The following BTRC variants were observed in gnomAD, a reference collection of about 807,000 sequenced individuals.
BTRC encodes F-box/WD repeat-containing protein 1A.
A neutral mutation model predicts 85.5 loss-of-function variants in BTRC; 42 were observed. That is an observed-to-expected ratio of 0.49 (90% CI 0.38 to 0.64). The LOEUF (loss-of-function observed/expected upper bound fraction) is 0.64, where lower values mean the gene tolerates loss of function less well. BTRC is among the 30% of genes least tolerant of loss of function. The probability of loss-of-function intolerance (pLI) is 0.00; values close to 1 mark genes in which losing one functional copy is unlikely to be tolerated. For synonymous variants in BTRC, 255 were observed against 263.3 expected (o/e 0.97, Z 0.30); for missense variants, 594 against 743.5 (o/e 0.80, Z 2.34).
intron 1 of BTRC, among the ~76,000 whole-genome samples, chr10:101,368,893 C>T (rs1341523752): frequency 3.3e-5 from 5 of 152,050 alleles, no homozygotes; most frequent in East Asian, 1.9e-4. Context: ...GTGGCGGGCA[C>T]CTGTAATCCC....
chr10:101,506,114 A>G (rs1465611400), intron 4 of BTRC, among the ~76,000 whole-genome samples: 1 of 152,086 alleles, frequency 6.6e-6, no homozygotes, highest in Non-Finnish European at 1.5e-5. Context: ...GGGTTTCACC[A>G]TGTTGGTCAG....
chr10:101,367,006 TTATATA>T (rs376110145), intron 1 of BTRC, among the ~76,000 whole-genome samples: 1 of 40,124 alleles, frequency 2.5e-5, no homozygotes, highest in Non-Finnish European at 6.2e-5. Flanking sequence ...ATATATATAT[TTATATA>T]TATATTTATA....
chr10:101,370,409 C>T (rs956825436), intron 1 of BTRC, among the ~76,000 whole-genome samples: 16 of 152,006 alleles, frequency 1.1e-4, no homozygotes, highest in Admixed American at 5.9e-4. Context: ...CCATCGGGCC[C>T]GCCCCTTCTT....
At chr10:101,507,302 C>T (rs796222925) in intron 4 of BTRC, among the ~76,000 whole-genome samples, 52 of 152,324 alleles carry the variant, frequency 3.4e-4, no homozygotes, top group African/African-American at 1.2e-3. Flanking sequence ...AAACACAGCG[C>T]TCATTTCTGG....
chr10:101,512,457 TACTATACCCTTCCTTTTGGTTA>T (rs1219449355), intron 4 of BTRC, among the ~76,000 whole-genome samples: 1 of 152,240 alleles, frequency 6.6e-6, no homozygotes, highest in Non-Finnish European at 1.5e-5. Context: ...TTTCTCTACT[TACTATACCCTTCCTTTTGGTTA>T]AAGCAGATTT....
At chr10:101,354,310 G>A in intron 1 of BTRC, 82 bp downstream of exon 1, 1 of 1,476,498 alleles carries the variant, frequency 6.8e-7, no homozygotes, top group Non-Finnish European at 9.2e-7. Flanking sequence ...GCCCACTGCG[G>A]GACCGGGCAG....
At chr10:101,367,670 G>A (rs182382214) in intron 1 of BTRC, among the ~76,000 whole-genome samples, 1 of 152,190 alleles carries the variant, frequency 6.6e-6, no homozygotes, top group East Asian at 1.9e-4. Flanking sequence ...ACTGTTATTG[G>A]TATGTAAGCT....
At chr10:101,483,986 C>T (rs920591868) in intron 4 of BTRC, among the ~76,000 whole-genome samples, 4 of 152,142 alleles carry the variant, frequency 2.6e-5, no homozygotes, top group African/African-American at 9.7e-5. Flanking sequence ...TTTACCCTTA[C>T]CCACACCCAC....
chr10:101,402,199 G>C (rs987826984), intron 1 of BTRC, among the ~76,000 whole-genome samples: 5 of 152,050 alleles, frequency 3.3e-5, no homozygotes, highest in African/African-American at 9.7e-5. Flanking sequence ...TATGTGAGGA[G>C]GTTATGTTTT....
chr10:101,421,094 C>T (rs1944088363), intron 1 of BTRC, among the ~76,000 whole-genome samples: 1 of 151,514 alleles, frequency 6.6e-6, no homozygotes, highest in African/African-American at 2.4e-5. Context: ...CAGTGTCTGT[C>T]ACTACCACTA....
rs1056711105 is a variant in BTRC, at chr10:101,428,248, A to G, written c.49-2097A>G. ...GTAGTTAGCTAGAGTGCCAGGGCCA[A>G]TTAGAAGATTAGAGAAGGTGAGTTG... is the stretch of plus-strand genomic sequence containing the variant. On this transcript the variant is annotated intron_variant, in intron 1 of 14. Transcript: ENST00000370187. 1.3e-5 allele frequency among the ~76,000 whole-genome samples: 2 copies of G among 152,318 alleles called. 1 individual carries two copies.
chr10:101,371,893 G>A (rs890390662), intron 1 of BTRC, among the ~76,000 whole-genome samples: 1 of 151,934 alleles, frequency 6.6e-6, no homozygotes, highest in African/African-American at 2.4e-5. Context: ...GTTTGAGGGA[G>A]GCACACCTCA....
At chr10:101,372,818 C>A (rs1370981916) in intron 1 of BTRC, among the ~76,000 whole-genome samples, 1 of 151,788 alleles carries the variant, frequency 6.6e-6, no homozygotes, top group East Asian at 2.0e-4. Flanking sequence ...TGTGATCATG[C>A]CACTGCACTG....
At chr10:101,398,869 A>G (rs1264670275) in intron 1 of BTRC, among the ~76,000 whole-genome samples, 2 of 152,228 alleles carry the variant, frequency 1.3e-5, no homozygotes, top group Admixed American at 6.5e-5. Context: ...GTCTTCATCA[A>G]TAACCTCTTC....
At chr10:101,472,870 G>T (rs757507342) in intron 3 of BTRC, among the ~76,000 whole-genome samples, 1 of 151,964 alleles carries the variant, frequency 6.6e-6, no homozygotes, top group Non-Finnish European at 1.5e-5. Flanking sequence ...CCTTGGCTCC[G>T]TTCAAGGTTT....
intron 1 of BTRC, among the ~76,000 whole-genome samples, chr10:101,405,530 C>T (rs1003736671): frequency 6.6e-6 from 1 of 152,182 alleles, no homozygotes; most frequent in Non-Finnish European, 1.5e-5. Flanking sequence ...CACCAATACC[C>T]ACTTGTGGGT....
chr10:101,381,412 C>T (rs1387570048), intron 1 of BTRC, among the ~76,000 whole-genome samples: 1 of 152,164 alleles, frequency 6.6e-6, no homozygotes, highest in Non-Finnish European at 1.5e-5. Flanking sequence ...CCTTAATTTC[C>T]TCTTCTCTAA....
intron 4 of BTRC, among the ~76,000 whole-genome samples, chr10:101,508,913 T>TAAAAAAAAAAAAAAAAAAAAAAAAAA (rs59998718): frequency 2.0e-5 from 2 of 101,932 alleles, no homozygotes; most frequent in Non-Finnish European, 3.9e-5. Context: ...GACTCCATCT[T>TAAAAAAAAAAAAAAAAAAAAAAAAAA]AAAAAAAAAA....
At chr10:101,367,497 A>T (rs996755578) in intron 1 of BTRC, among the ~76,000 whole-genome samples, 1 of 152,206 alleles carries the variant, frequency 6.6e-6, no homozygotes, top group African/African-American at 2.4e-5. Context: ...AATTATATAT[A>T]GCTCAGTGAG....
Sources: allele counts gnomAD v4.1 joint callset (sites outside exome capture counted in the v4.1 genomes callset), GRCh38; gene constraint gnomAD v4.1.1; transcripts MANE v1.5; gene names NCBI Gene and HGNC (gene_info 2026-07-23, HGNC 2026-07-21).